ZFAT: variants seen among roughly 807,000 people sequenced by gnomAD.
ZFAT encodes zinc finger and AT-hook domain containing, also known as zinc finger protein ZFAT.
A neutral mutation model predicts 117.7 loss-of-function variants in ZFAT; 64 were observed. That is an observed-to-expected ratio of 0.54 (90% CI 0.44 to 0.67). ZFAT has a LOEUF of 0.67. Ranked by LOEUF, ZFAT falls within the 30% of genes least tolerant of loss-of-function variation. ZFAT has a pLI of 0.00. For missense variants in ZFAT, 1,433 were observed against 1,584.5 expected (o/e 0.90, Z 1.62); for synonymous variants, 679 against 615.0 (o/e 1.10, Z -1.54).
chr8:134,686,184 G>C (rs1345266790), intron 1 of ZFAT, among the ~76,000 whole-genome samples: 1 of 152,220 alleles, frequency 6.6e-6, no homozygotes, highest in Non-Finnish European at 1.5e-5. Flanking sequence ...ACCTGAGTAA[G>C]TTATTTTCAA....
the ZFAT span, among the ~76,000 whole-genome samples, chr8:134,759,807 C>T: frequency 6.6e-6 from 1 of 151,742 alleles, no homozygotes. Context: ...GAAACTTCTA[C>T]TAAAAATACA....
intron 10 of ZFAT, among the ~76,000 whole-genome samples, chr8:134,580,234 A>G (rs1586746347): frequency 6.6e-6 from 1 of 152,110 alleles, no homozygotes; most frequent in African/African-American, 2.4e-5. Context: ...ACAGATCCAC[A>G]CCCAAGCCTC....
At chr8:134,582,838 T>A (rs1012907693) in intron 10 of ZFAT, among the ~76,000 whole-genome samples, 1 of 152,226 alleles carries the variant, frequency 6.6e-6, no homozygotes, top group Non-Finnish European at 1.5e-5. Context: ...TATCATCCAC[T>A]AAATTTTGAA....
chr8:134,644,710 GAC>G (rs1350890627), intron 2 of ZFAT, among the ~76,000 whole-genome samples: 1 of 151,120 alleles, frequency 6.6e-6, no homozygotes, highest in East Asian at 1.9e-4. Context: ...ATATGCCCAC[GAC>G]ACACAGCACA....
chr8:134,706,551 G>A (rs1834156323), intron 1 of ZFAT, among the ~76,000 whole-genome samples: 1 of 152,120 alleles, frequency 6.6e-6, no homozygotes. Flanking sequence ...AATTAACCAG[G>A]TGTGGTGGTA....
intron 11 of ZFAT, among the ~76,000 whole-genome samples, chr8:134,549,917 C>G (rs1041575354): frequency 6.6e-6 from 1 of 152,164 alleles, no homozygotes; most frequent in African/African-American, 2.4e-5. Flanking sequence ...AAGAGACAAA[C>G]GCCCGAAAGG....
the ZFAT span, among the ~76,000 whole-genome samples, chr8:134,782,751 C>T: frequency 2.6e-5 from 4 of 152,028 alleles, no homozygotes; most frequent in Non-Finnish European, 5.9e-5. Context: ...GAGGCCTCCC[C>T]AGCCACGTGG....
At chr8:134,489,491 C>T (rs1338297956) in intron 15 of ZFAT, among the ~76,000 whole-genome samples, 1 of 152,130 alleles carries the variant, frequency 6.6e-6, no homozygotes, top group Non-Finnish European at 1.5e-5. Flanking sequence ...TCCCTTGCTC[C>T]TCTCCTGGGC....
chr8:134,811,908 C>T, the ZFAT span, among the ~76,000 whole-genome samples: 1 of 152,166 alleles, frequency 6.6e-6, no homozygotes, highest in Non-Finnish European at 1.5e-5. Flanking sequence ...CTTCGGGAGG[C>T]TGAGGCGGGT....
chr8:134,773,665 G>A, the ZFAT span, among the ~76,000 whole-genome samples: 1 of 152,196 alleles, frequency 6.6e-6, no homozygotes, highest in Non-Finnish European at 1.5e-5. Flanking sequence ...AACATTAACA[G>A]GAATGTGGAA....
chr8:134,688,364 A>G (rs1046078057), intron 1 of ZFAT, among the ~76,000 whole-genome samples: 2 of 152,244 alleles, frequency 1.3e-5, no homozygotes, highest in African/African-American at 4.8e-5. Context: ...ACAAATGCAC[A>G]TACAGCACAC....
chr8:134,827,586 G>A, the ZFAT span, among the ~76,000 whole-genome samples: 1 of 151,964 alleles, frequency 6.6e-6, no homozygotes, highest in Non-Finnish European at 1.5e-5. Context: ...TGGCCAACAT[G>A]GTGAAATCCC....
intron 10 of ZFAT, among the ~76,000 whole-genome samples, chr8:134,573,637 T>TC (rs1825096283): frequency 6.6e-6 from 1 of 152,242 alleles, no homozygotes; most frequent in Non-Finnish European, 1.5e-5. Flanking sequence ...GGTTGAACTC[T>TC]CCTTCAAAGA....
At chr8:134,756,643 C>T in the ZFAT span, among the ~76,000 whole-genome samples, 3 of 152,248 alleles carry the variant, frequency 2.0e-5, no homozygotes, top group African/African-American at 7.2e-5. Context: ...TCTCTGGGAA[C>T]TGTGGTCAGT....
chr8:134,789,079 T>G, the ZFAT span, among the ~76,000 whole-genome samples: 1 of 152,206 alleles, frequency 6.6e-6, no homozygotes, highest in South Asian at 2.1e-4. Flanking sequence ...AACTTTAAAT[T>G]TGACCCATTT....
intron 11 of ZFAT, among the ~76,000 whole-genome samples, chr8:134,550,818 T>C (rs1260974973): frequency 6.6e-6 from 1 of 152,182 alleles, no homozygotes; most frequent in Non-Finnish European, 1.5e-5. Context: ...CACCACCACA[T>C]GGCCCTGCCA....
At position 134,478,699 on chromosome 8, in the gene ZFAT, G is replaced by A. The variant is rs1817062097; in HGVS notation, c.3515C>T (p.Ser1172Phe). 1 of 1,573,010 alleles carries A rather than the reference G, an allele frequency of 6.4e-7. No homozygotes were observed. The highest frequency in any genetic ancestry group is 8.6e-7 in the Non-Finnish European group (1 of 1,159,312). Residue 1172 changes from serine (S) to phenylalanine (F), a missense_variant, in exon 16 of 16, where the codon TCC becomes TTC. By Grantham distance (155) the Ser-to-Phe change is radical (BLOSUM62 -2). Coordinates refer to ENST00000377838, the MANE Select transcript of ZFAT (RefSeq NM_020863.4). The surrounding 1 kb of genome is among the most constrained non-coding windows in gnomAD (Gnocchi z 5.2). ...CTCCTGGATCATGACCGTGTGGTTGGAGCTGGGCTCCTCCTCGGTGACCTG... is the reference window on the plus strand; with the variant it reads ...CTCCTGGATCATGACCGTGTGGTTGAAGCTGGGCTCCTCCTCGGTGACCTG... Reference protein sequence around the residue: ...VKQVTEEEPSSNHTVMIQETV... With the variant: ...VKQVTEEEPSFNHTVMIQETV...
At chr8:134,503,916 A>T (rs909093873) in intron 15 of ZFAT, among the ~76,000 whole-genome samples, 1 of 147,620 alleles carries the variant, frequency 6.8e-6, no homozygotes, top group Non-Finnish European at 1.5e-5. Context: ...TTGAACACAA[A>T]CACACACACA....
intron 12 of ZFAT, among the ~76,000 whole-genome samples, chr8:134,521,391 T>G (rs1037972925): frequency 6.6e-6 from 1 of 151,952 alleles, no homozygotes; most frequent in Middle Eastern, 3.2e-3. Context: ...GGAAAGGGAG[T>G]GTCTGCTTTT....
Sources: gnomAD v4.1 joint callset for allele counts (sites outside exome capture counted in the v4.1 genomes callset) on GRCh38, gnomAD v4.1.1 for gene constraint, Gnocchi (gnomAD v3.1) non-coding constraint, MANE v1.5 for transcripts, NCBI Gene and HGNC (gene_info 2026-07-23, HGNC 2026-07-21) for gene names.